The following FAM107B variants were observed in gnomAD, a reference collection of about 807,000 sequenced individuals.
FAM107B encodes the protein family with sequence similarity 107 member B, also known as protein FAM107B.
FAM107B carries 21 observed loss-of-function variants against 31.5 expected under a neutral mutation model. The observed-to-expected ratio is 0.67, with a 90% CI of 0.47 to 0.96. FAM107B has a LOEUF of 0.96. Among genes scored for constraint, FAM107B ranks in the 40% least tolerant of loss-of-function variants. The pLI is 0.00. For synonymous variants in FAM107B, 157 were observed against 141.5 expected (o/e 1.11, Z -0.78); for missense variants, 452 against 377.1 (o/e 1.20, Z -1.64).
intron 2 of FAM107B, among the ~76,000 whole-genome samples, chr10:14,640,246 A>T (rs1853596175): frequency 2.0e-5 from 3 of 152,380 alleles, no homozygotes; most frequent in East Asian, 3.9e-4. Flanking sequence ...TGATGGAACC[A>T]GAATTTGAAC....
At chr10:14,572,744 T>G (rs1851316463) in intron 2 of FAM107B, among the ~76,000 whole-genome samples, 1 of 127,458 alleles carries the variant, frequency 7.8e-6, no homozygotes, top group African/African-American at 2.7e-5. Flanking sequence ...AAAATTTATA[T>G]ATATATATAT....
intron 1 of FAM107B, among the ~76,000 whole-genome samples, chr10:14,740,351 T>C (rs542923287): frequency 6.6e-6 from 1 of 152,268 alleles, no homozygotes; most frequent in African/African-American, 2.4e-5. Flanking sequence ...GAAAAGCCAG[T>C]CTGAAAAGGA....
chr10:14,764,329 A>G (rs1460595464), intron 1 of FAM107B, among the ~76,000 whole-genome samples: 2 of 152,176 alleles, frequency 1.3e-5, no homozygotes, highest in African/African-American at 4.8e-5. Context: ...TTTGCCGGGA[A>G]GTTTCTCCTT....
chr10:14,581,455 G>T (rs1327014816), intron 2 of FAM107B, among the ~76,000 whole-genome samples: 1 of 152,202 alleles, frequency 6.6e-6, no homozygotes, highest in Non-Finnish European at 1.5e-5. Context: ...AGAGTTCCAG[G>T]CCACCAAATG....
At chr10:14,714,588 G>T (rs541350394) in intron 1 of FAM107B, among the ~76,000 whole-genome samples, 2 of 152,282 alleles carry the variant, frequency 1.3e-5, no homozygotes, top group East Asian at 3.9e-4. Context: ...CGAGGGTACA[G>T]ATGGCAGCAC....
chr10:14,692,108 T>C (rs1239377806), intron 1 of FAM107B, among the ~76,000 whole-genome samples: 1 of 152,084 alleles, frequency 6.6e-6, no homozygotes, highest in Non-Finnish European at 1.5e-5. Flanking sequence ...ATCTCTGTTA[T>C]TCCATCCACA....
intron 2 of FAM107B, among the ~76,000 whole-genome samples, chr10:14,594,283 A>C (rs1852109903): frequency 1.3e-5 from 2 of 152,162 alleles, no homozygotes; most frequent in Non-Finnish European, 2.9e-5. Flanking sequence ...ACGCAAAAGG[A>C]TTGCTTGAGG....
intron 2 of FAM107B, among the ~76,000 whole-genome samples, chr10:14,574,297 A>C (rs1450174376): frequency 1.3e-5 from 2 of 152,242 alleles, no homozygotes; most frequent in African/African-American, 2.4e-5. Context: ...ATATGTATGC[A>C]CGGTGGATAT....
chr10:14,648,600 G>C (rs887797656), intron 2 of FAM107B, among the ~76,000 whole-genome samples: 1 of 152,136 alleles, frequency 6.6e-6, no homozygotes, highest in Non-Finnish European at 1.5e-5. Context: ...GAAGTGAATG[G>C]GCATCTTGTG....
At chr10:14,720,517 G>A (rs1855886473) in intron 1 of FAM107B, among the ~76,000 whole-genome samples, 1 of 152,198 alleles carries the variant, frequency 6.6e-6, no homozygotes, top group Admixed American at 6.5e-5. Context: ...GCCTTCCAAT[G>A]TGCCAGGATT....
At chr10:14,712,274 T>C (rs1204135318) in intron 1 of FAM107B, among the ~76,000 whole-genome samples, 1 of 151,784 alleles carries the variant, frequency 6.6e-6, no homozygotes, top group Admixed American at 6.6e-5. Flanking sequence ...TCACAAAAAT[T>C]AAAAAATTAA....
intron 1 of FAM107B, chr10:14,723,604 T>A (rs1855963458): frequency 4.4e-6 from 3 of 687,606 alleles, no homozygotes; most frequent in Non-Finnish European, 8.0e-6. Flanking sequence ...CAGAGGGGAA[T>A]CTGTGTGACA....
intron 2 of FAM107B, among the ~76,000 whole-genome samples, chr10:14,642,331 T>A (rs1212593705): frequency 2.0e-5 from 3 of 152,224 alleles, no homozygotes; most frequent in Non-Finnish European, 2.9e-5. Flanking sequence ...AAGGCTCCTC[T>A]GGATGGTCCT....
chr10:14,607,931 A>G (rs763923959), intron 2 of FAM107B, among the ~76,000 whole-genome samples: 90 of 152,156 alleles, frequency 5.9e-4, no homozygotes, highest in Non-Finnish European at 4.4e-4. Flanking sequence ...TCACCCATAT[A>G]CTCCACTATG....
chr10:14,733,514 C>G (rs1322493989), intron 1 of FAM107B, among the ~76,000 whole-genome samples: 1 of 152,158 alleles, frequency 6.6e-6, no homozygotes, highest in Non-Finnish European at 1.5e-5. Context: ...TGACACCAGT[C>G]TGTCTGTCTC....
intron 2 of FAM107B, among the ~76,000 whole-genome samples, chr10:14,548,134 G>A (rs933526042): frequency 6.6e-6 from 1 of 152,242 alleles, no homozygotes; most frequent in African/African-American, 2.4e-5. Context: ...CGCTGGTTGA[G>A]TTAACCTGGT....
chr10:14,592,038 G>T (rs1852037662), intron 2 of FAM107B, among the ~76,000 whole-genome samples: 2 of 152,204 alleles, frequency 1.3e-5, no homozygotes, highest in Non-Finnish European at 2.9e-5. Context: ...TCAAATCCTG[G>T]TCCTTAAGAA....
intron 2 of FAM107B, among the ~76,000 whole-genome samples, chr10:14,603,095 G>T (rs1852457401): frequency 6.6e-6 from 1 of 151,188 alleles, no homozygotes; most frequent in African/African-American, 2.4e-5. Context: ...GGTGTGTTTG[G>T]GTGGTGAGCA....
At chr10:14,669,229 G>C (rs1854481180) in intron 1 of FAM107B, among the ~76,000 whole-genome samples, 1 of 152,006 alleles carries the variant, frequency 6.6e-6, no homozygotes, top group Non-Finnish European at 1.5e-5. Context: ...AATTAGCTGG[G>C]TGTGGTTTTG....
Sources: allele counts gnomAD v4.1 joint callset (sites outside exome capture counted in the v4.1 genomes callset), GRCh38; gene constraint gnomAD v4.1.1; transcripts MANE v1.5; gene names NCBI Gene and HGNC (gene_info 2026-07-23, HGNC 2026-07-21).